Variants in CAST observed in about 807,000 individuals in gnomAD.
The protein encoded by CAST is MIR583 host.
In CAST, 76 loss-of-function variants were observed where a neutral mutation model predicts 119.6. The observed-to-expected ratio is 0.64, with a 90% CI of 0.53 to 0.77. The LOEUF is 0.77. CAST is among the 30% of genes least tolerant of loss of function. The pLI, the probability that CAST is intolerant of heterozygous loss-of-function variation, is 0.00. For synonymous variants in CAST, 319 were observed against 331.6 expected (o/e 0.96, Z 0.41); for missense variants, 953 against 946.5 (o/e 1.01, Z -0.09).
chr5:96,318,060 A>G, the CAST span, among the ~76,000 whole-genome samples: 1 of 152,252 alleles, frequency 6.6e-6, no homozygotes, highest in East Asian at 1.9e-4. Flanking sequence ...ATGGCTTGAT[A>G]GCCTGAGCAG....
At chr5:96,610,080 G>A (rs1283987488) in intron 1 of CAST, among the ~76,000 whole-genome samples, 1 of 152,172 alleles carries the variant, frequency 6.6e-6, no homozygotes, top group African/African-American at 2.4e-5. Context: ...TTGGGGGCAG[G>A]TTTTTCCCAT....
chr5:96,077,559 G>C, the CAST span, among the ~76,000 whole-genome samples: 1 of 152,118 alleles, frequency 6.6e-6, no homozygotes, highest in African/African-American at 2.4e-5. Context: ...TAGGTCATGG[G>C]GCCAGATCCC....
At chr5:96,461,076 G>A in the CAST span, among the ~76,000 whole-genome samples, 1 of 152,106 alleles carries the variant, frequency 6.6e-6, no homozygotes, top group African/African-American at 2.4e-5. Context: ...TCTGTCTAGA[G>A]ACACTGGAGA....
At chr5:96,081,974 C>T in the CAST span, among the ~76,000 whole-genome samples, 3 of 152,094 alleles carry the variant, frequency 2.0e-5, no homozygotes, top group Non-Finnish European at 4.4e-5. Flanking sequence ...AGTGTAGCGG[C>T]GTGATCTCGG....
the CAST span, among the ~76,000 whole-genome samples, chr5:96,365,128 G>A: frequency 6.6e-6 from 1 of 152,182 alleles, no homozygotes; most frequent in South Asian, 2.1e-4. Context: ...ATGTAGTTGA[G>A]CGGTTTTGAG....
the CAST span, among the ~76,000 whole-genome samples, chr5:95,974,027 A>ACACC: frequency 6.6e-6 from 1 of 151,588 alleles, no homozygotes; most frequent in African/African-American, 2.4e-5. Flanking sequence ...ACACACACAC[A>ACACC]CACCCCCACT....
the CAST span, among the ~76,000 whole-genome samples, chr5:96,095,067 C>T: frequency 3.5e-3 from 532 of 152,286 alleles, 2 homozygotes; most frequent in African/African-American, 4.5e-3. Flanking sequence ...GACTTTGGCT[C>T]AGAGCCAAGG....
At chr5:96,459,012 G>T in the CAST span, among the ~76,000 whole-genome samples, 1 of 152,108 alleles carries the variant, frequency 6.6e-6, no homozygotes, top group Admixed American at 6.5e-5. Flanking sequence ...TGAAGGTAGA[G>T]ACTAAATGTG....
At chr5:96,590,731 T>A (rs1018125994) in intron 1 of CAST, among the ~76,000 whole-genome samples, 1 of 152,226 alleles carries the variant, frequency 6.6e-6, no homozygotes, top group Non-Finnish European at 1.5e-5. Context: ...CTGGTTCCTA[T>A]TCTCCAACTC....
In CAST at chr5:96,757,441, T is replaced by G; in HGVS notation, c.1711-3T>G. The G allele has an allele frequency of 6.2e-7, 1 of 1,613,760 alleles. No homozygotes were observed. The highest frequency in any genetic ancestry group is 8.5e-7 in the Non-Finnish European group (1 of 1,179,644). The stretch of plus-strand genomic sequence containing the variant: ...CATGCCATGTGTTTTCCCCCCCGGA[T>G]AGGATAAAGATGGAAAGCCACTCCT... On this transcript the variant is annotated splice_polypyrimidine_tract_variant and splice_region_variant and intron_variant, in intron 22 of 31. Transcript: ENST00000675179.
chr5:96,556,458 T>C (rs1388062571), intron 1 of CAST, among the ~76,000 whole-genome samples: 4 of 152,248 alleles, frequency 2.6e-5, no homozygotes, highest in Admixed American at 6.5e-5. Flanking sequence ...GTTAAAAACC[T>C]TGAAAAAAAT....
the CAST span, among the ~76,000 whole-genome samples, chr5:96,307,153 A>G: frequency 5.3e-4 from 80 of 152,200 alleles, no homozygotes; most frequent in Non-Finnish European, 9.8e-4. Context: ...TTGCATATAT[A>G]TTTAGGATAG....
the CAST span, among the ~76,000 whole-genome samples, chr5:95,964,650 C>G: frequency 4.6e-5 from 7 of 152,142 alleles, no homozygotes; most frequent in East Asian, 7.7e-4. Flanking sequence ...TGGAGACAGC[C>G]CAACTAAAAA....
chr5:96,008,360 A>G, the CAST span, among the ~76,000 whole-genome samples: 2 of 152,208 alleles, frequency 1.3e-5, no homozygotes, highest in East Asian at 1.9e-4. Flanking sequence ...ATTTTTGAAG[A>G]CAATATCCTT....
chr5:96,639,347 G>A (rs552721402), intron 1 of CAST, among the ~76,000 whole-genome samples: 1 of 152,286 alleles, frequency 6.6e-6, no homozygotes, highest in South Asian at 2.1e-4. Context: ...TGAGGGGTGG[G>A]CTGGCTGGAG....
At chr5:96,369,500 G>A in the CAST span, among the ~76,000 whole-genome samples, 1 of 152,132 alleles carries the variant, frequency 6.6e-6, no homozygotes, top group East Asian at 1.9e-4. Flanking sequence ...TTTCTCAGAA[G>A]CTGTGTGGCA....
the CAST span, among the ~76,000 whole-genome samples, chr5:96,085,212 T>C: frequency 6.6e-6 from 1 of 152,194 alleles, no homozygotes; most frequent in Non-Finnish European, 1.5e-5. Context: ...TTATTGAATG[T>C]CTACTGTCTA....
chr5:96,474,572 C>A, the CAST span, among the ~76,000 whole-genome samples: 2 of 152,148 alleles, frequency 1.3e-5, no homozygotes, highest in Non-Finnish European at 2.9e-5. Flanking sequence ...TGGGACGAGG[C>A]CTCAGATGCT....
intron 1 of CAST, among the ~76,000 whole-genome samples, chr5:96,650,812 A>T (rs1052565596): frequency 2.6e-5 from 4 of 151,528 alleles, no homozygotes; most frequent in African/African-American, 9.7e-5. Context: ...AAAGGAAGAA[A>T]AGATTACTCA....
Sources: allele counts gnomAD v4.1 joint callset (sites outside exome capture counted in the v4.1 genomes callset), GRCh38; gene constraint gnomAD v4.1.1; transcripts MANE v1.5; gene names NCBI Gene and HGNC (gene_info 2026-07-23, HGNC 2026-07-21).